The following RAD51B variants were observed in gnomAD, a reference collection of about 807,000 sequenced individuals.
RAD51B encodes DNA repair protein RAD51 homolog 2.
RAD51B carries 38 observed loss-of-function variants against 42.2 expected under a neutral mutation model. That is an observed-to-expected ratio of 0.90 (90% CI 0.70 to 1.18). The LOEUF (loss-of-function observed/expected upper bound fraction) is 1.18, where lower values mean the gene tolerates loss of function less well. RAD51B is among the 50% of genes most tolerant of loss of function. RAD51B has a pLI of 0.00. For missense variants in RAD51B, 373 were observed against 400.7 expected (o/e 0.93, Z 0.59); for synonymous variants, 154 against 145.2 (o/e 1.06, Z -0.43).
intron 8 of RAD51B, among the ~76,000 whole-genome samples, chr14:68,356,086 A>T (rs879409850): frequency 6.6e-6 from 1 of 152,212 alleles, no homozygotes; most frequent in Non-Finnish European, 1.5e-5. Flanking sequence ...CCATTGCAAT[A>T]AAGTAAATAT....
In RAD51B at chr14:68,594,316, C is replaced by T. The variant is rs115390593; in HGVS notation, c.1037-169C>T. Among the ~76,000 whole-genome samples, 1,283 of 152,292 alleles carry T rather than the reference C, an allele frequency of 8.4e-3. 13 individuals carry two copies. Among genetic ancestry groups the T allele is most frequent in the African/African-American group, 0.029 (1,216 of 41,552 alleles). On this transcript the variant is annotated intron_variant, in intron 10 of 10. Transcript: ENST00000487270. Reference sequence around the variant, plus strand: ...GTGTGTGCACACACGAATACTTCTTCCCCACCCGCATTCTTTTGCACATGT... The same window carrying T: ...GTGTGTGCACACACGAATACTTCTTTCCCACCCGCATTCTTTTGCACATGT...
rs141935403 is a variant in RAD51B at position 68,299,440 on chromosome 14, C to A, written c.853+7460C>A. On this transcript the variant is annotated intron_variant, in intron 8 of 10. Coordinates refer to ENST00000471583, the MANE Select transcript of RAD51B (RefSeq NM_133510.4). ...TTCCCTAAACAGTACAGTATAACAA[C>A]TATCTACATAGCATTTACACTGTAT... 3.1e-4 allele frequency among the ~76,000 whole-genome samples: 47 copies of A among 152,228 alleles called. 1 individual carries two copies. The East Asian group carries it at 8.9e-3, about 29-fold the overall frequency.
intron 4 of RAD51B, among the ~76,000 whole-genome samples, chr14:67,839,138 A>G (rs1670911388): frequency 6.6e-6 from 1 of 152,092 alleles, no homozygotes; most frequent in Non-Finnish European, 1.5e-5. Flanking sequence ...ATTCAGCTGT[A>G]ATTTTCCTTT....
At chr14:68,605,706 C>G (rs1290805174) in intron 10 of RAD51B, among the ~76,000 whole-genome samples, 5 of 152,178 alleles carry the variant, frequency 3.3e-5, no homozygotes, top group African/African-American at 4.8e-5. Context: ...TCTACAGCGA[C>G]CCTATTTCCA....
At chr14:68,087,566 C>T (rs530846543) in intron 7 of RAD51B, among the ~76,000 whole-genome samples, 2 of 151,682 alleles carry the variant, frequency 1.3e-5, no homozygotes, top group South Asian at 4.2e-4. Context: ...TGTGGTTTAA[C>T]GGAAAGAAAG....
chr14:68,634,523 C>G (rs1892302364), intron 10 of RAD51B, among the ~76,000 whole-genome samples: 1 of 152,102 alleles, frequency 6.6e-6, no homozygotes, highest in Non-Finnish European at 1.5e-5. Context: ...ATCCCTTTCT[C>G]CAGGGCTCAT....
intron 8 of RAD51B, among the ~76,000 whole-genome samples, chr14:68,328,287 A>T (rs904416963): frequency 6.6e-6 from 1 of 152,190 alleles, no homozygotes. Context: ...AAAGTACTGT[A>T]TCTTCTTAAC....
At chr14:68,541,928 CTTT>C in intron 10 of RAD51B, 1 of 787,374 alleles carries the variant, frequency 1.3e-6, no homozygotes, top group Non-Finnish European at 1.5e-6. Context: ...GGTTCCCAAA[CTTT>C]TTTGATTTAA....
At chr14:67,852,236 A>G (rs1443426438) in intron 4 of RAD51B, among the ~76,000 whole-genome samples, 1 of 152,232 alleles carries the variant, frequency 6.6e-6, no homozygotes. Context: ...TTGCCTGGCA[A>G]GGAACAGCAG....
At chr14:68,592,399 T>G (rs1191424664) in intron 10 of RAD51B, among the ~76,000 whole-genome samples, 1 of 152,126 alleles carries the variant, frequency 6.6e-6, no homozygotes, top group African/African-American at 2.4e-5. Flanking sequence ...ATACTAATAA[T>G]TTTGCTATCA....
intron 9 of RAD51B, among the ~76,000 whole-genome samples, chr14:68,427,871 G>A (rs2084892255): frequency 6.6e-6 from 1 of 152,214 alleles, no homozygotes; most frequent in Non-Finnish European, 1.5e-5. Flanking sequence ...AAATACATGT[G>A]TTGGAAACTT....
At chr14:68,055,304 TA>T (rs2076456836) in intron 7 of RAD51B, among the ~76,000 whole-genome samples, 1 of 152,198 alleles carries the variant, frequency 6.6e-6, no homozygotes, top group Admixed American at 6.5e-5. Context: ...AACCTATTTT[TA>T]GAACCAGTTT....
chr14:67,914,231 C>T (rs1032629057), intron 7 of RAD51B, among the ~76,000 whole-genome samples: 1 of 152,154 alleles, frequency 6.6e-6, no homozygotes, highest in Non-Finnish European at 1.5e-5. Context: ...GATCCACCCA[C>T]CTTGCCCTCC....
chr14:67,886,491 T>C (rs759051295), intron 6 of RAD51B: 104 of 218,908 alleles, frequency 4.8e-4, no homozygotes, highest in Non-Finnish European at 8.3e-4. Context: ...AGACCTTTGT[T>C]CCTTACCGTC....
At chr14:68,368,591 C>T (rs899891672) in intron 8 of RAD51B, among the ~76,000 whole-genome samples, 3 of 152,198 alleles carry the variant, frequency 2.0e-5, no homozygotes, top group African/African-American at 2.4e-5. Context: ...GCTTGGACTG[C>T]TGTAATGGAG....
At chr14:67,865,893 A>G (rs964960255) in intron 5 of RAD51B, among the ~76,000 whole-genome samples, 2 of 152,200 alleles carry the variant, frequency 1.3e-5, no homozygotes, top group Admixed American at 1.3e-4. Flanking sequence ...GAATGATAGA[A>G]TATCACCAAA....
In RAD51B at chr14:68,021,727, A is replaced by T. The variant is rs566031204; in HGVS notation, c.756+134523A>T. ...ATAGCAATAAAGTGGGCAACACAAAATTTTTTGTTTCCTAATGCATATAAA... is the reference window on the plus strand; with the variant it reads ...ATAGCAATAAAGTGGGCAACACAAATTTTTTTGTTTCCTAATGCATATAAA... On this transcript the variant is annotated intron_variant, in intron 7 of 10. Transcript: ENST00000471583. Among the ~76,000 whole-genome samples, 424 of 152,258 alleles carry T rather than the reference A, an allele frequency of 2.8e-3. 1 individual carries two copies. Among genetic ancestry groups the T allele is most frequent in the Non-Finnish European group, 4.6e-3 (312 of 68,014 alleles).
chr14:68,184,169 G>A (rs1481212544), intron 7 of RAD51B, among the ~76,000 whole-genome samples: 1 of 151,864 alleles, frequency 6.6e-6, no homozygotes, highest in African/African-American at 2.4e-5. Context: ...CATGCTCCCA[G>A]CTACTTGGGA....
At position 68,595,207 on chromosome 14, in the gene RAD51B, T is replaced by C. The variant is rs538762079; in HGVS notation, c.*604T>C. The C allele has an allele frequency of 3.7e-5, 39 of 1,062,220 alleles. No homozygotes were observed. In the African/African-American group the frequency reaches 6.1e-4, roughly 16 times the overall value. The allele number at this position is 1,062,220 out of a possible 1,614,324, so 65.8% of individuals were successfully genotyped here. ...AGCAGAACACTTACATGGAAAATCC[T>C]AAACATGGAAGATGATTTAAAAATG... On this transcript the variant is annotated 3_prime_UTR_variant, in exon 11 of 11. Coordinates refer to the RAD51B transcript ENST00000487270.
Sources: allele counts gnomAD v4.1 joint callset (sites outside exome capture counted in the v4.1 genomes callset), GRCh38; gene constraint gnomAD v4.1.1; transcripts MANE v1.5; gene names NCBI Gene and HGNC (gene_info 2026-07-23, HGNC 2026-07-21).